Variants in ANO6 observed in about 807,000 individuals in gnomAD.
ANO6 encodes anoctamin-6.
In ANO6, 106 loss-of-function variants were observed where a neutral mutation model predicts 117.5. That is an observed-to-expected ratio of 0.90 (90% CI 0.77 to 1.06). The LOEUF is 1.06. ANO6 is among the 50% of genes least tolerant of loss of function. The pLI is 0.00. For missense variants in ANO6, 955 were observed against 1,121.1 expected (o/e 0.85, Z 2.12); for synonymous variants, 367 against 385.1 (o/e 0.95, Z 0.55).
chr12:45,379,665 T>C (rs1216758030), intron 10 of ANO6, among the ~76,000 whole-genome samples: 1 of 152,186 alleles, frequency 6.6e-6, no homozygotes, highest in Non-Finnish European at 1.5e-5. Context: ...TGGATGCTGA[T>C]AGCCCCAATT....
rs376449183 is a variant in ANO6, at chr12:45,238,544, CT to C, written c.70+22154del. ...CTAATTTAATACTCTTTATTCCTTTCTCTTGCCTGATTGCCAGAACTTCCAA... is the reference window on the plus strand; with the variant it reads ...CTAATTTAATACTCTTTATTCCTTTCCTTGCCTGATTGCCAGAACTTCCAA... On this transcript the variant is annotated intron_variant, in intron 1 of 19. Coordinates refer to ENST00000320560, the MANE Select transcript of ANO6 (RefSeq NM_001025356.3). Among the ~76,000 whole-genome samples, 647 of 152,244 alleles carry C rather than the reference CT, an allele frequency of 4.2e-3. 5 individuals carry two copies. The highest frequency in any genetic ancestry group is 0.015 in the African/African-American group (612 of 41,542).
At chr12:45,387,006 A>C (rs960216540) in intron 10 of ANO6, among the ~76,000 whole-genome samples, 3 of 152,158 alleles carry the variant, frequency 2.0e-5, no homozygotes, top group Non-Finnish European at 4.4e-5. Flanking sequence ...AATCAACTAT[A>C]CCTGTCAGTT....
chr12:45,219,218 C>G (rs1466021190), intron 1 of ANO6, among the ~76,000 whole-genome samples: 9 of 152,218 alleles, frequency 5.9e-5, no homozygotes, highest in Admixed American at 5.2e-4. Flanking sequence ...GATGGGGTCC[C>G]TGATTATATC....
In ANO6 at chr12:45,430,641, G is replaced by C; in HGVS notation, c.*1330G>C. 3.0e-6 allele frequency: 3 copies of C among 985,402 alleles called. No homozygotes were observed. The highest frequency in any genetic ancestry group is 3.6e-6 in the Non-Finnish European group (3 of 829,920). 61.0% of individuals were successfully genotyped at this position (985,402 alleles called of 1,614,324 possible). ...TCTAGAGCCAATCAGGCAGTTAAGA[G>C]TAATAAAGGAAAAGGGTTTGGTCAC... On this transcript the variant is annotated 3_prime_UTR_variant, in exon 20 of 20. Transcript: ENST00000320560.
At chr12:45,350,369 C>G (rs1294179088) in intron 6 of ANO6, among the ~76,000 whole-genome samples, 2 of 152,044 alleles carry the variant, frequency 1.3e-5, no homozygotes, top group Non-Finnish European at 2.9e-5. Context: ...TAGGACTGCC[C>G]CACTTAAAGC....
chr12:45,270,514 A>G, intron 1 of ANO6: 1 of 1,233,150 alleles, frequency 8.1e-7, no homozygotes, highest in Non-Finnish European at 1.1e-6. Flanking sequence ...CTCACCTCCC[A>G]TCCAGCCTGG....
intron 8 of ANO6, among the ~76,000 whole-genome samples, chr12:45,364,089 T>A (rs1192550377): frequency 6.6e-6 from 1 of 152,238 alleles, no homozygotes; most frequent in Non-Finnish European, 1.5e-5. Context: ...TGGTTGACAG[T>A]CTTTCTTTCA....
At chr12:45,290,792 A>G (rs1039355021) in intron 1 of ANO6, among the ~76,000 whole-genome samples, 4 of 152,354 alleles carry the variant, frequency 2.6e-5, no homozygotes, top group African/African-American at 7.2e-5. Context: ...GAAAAAGCAG[A>G]TCCACAATTT....
At chr12:45,347,989 G>A (rs1263543218) in intron 4 of ANO6, 39 bp from the exon 5 acceptor site, 1 of 1,591,570 alleles carries the variant, frequency 6.3e-7, no homozygotes, top group Non-Finnish European at 8.6e-7. Context: ...TGTGAAAAGA[G>A]TTGGTTTCTT....
intron 2 of ANO6, among the ~76,000 whole-genome samples, chr12:45,309,630 T>C (rs574965969): frequency 6.6e-6 from 1 of 151,894 alleles, no homozygotes; most frequent in African/African-American, 2.4e-5. Flanking sequence ...ACTGAATTGG[T>C]GTTAGGGCTA....
intron 10 of ANO6, among the ~76,000 whole-genome samples, chr12:45,379,392 A>G (rs59436840): frequency 0.033 from 4,968 of 152,312 alleles, 250 homozygotes; most frequent in African/African-American, 0.11. Flanking sequence ...AGTCAGTTAC[A>G]TTGGCATTCA....
chr12:45,354,079 T>C (rs1448429312), intron 7 of ANO6, among the ~76,000 whole-genome samples: 1 of 151,818 alleles, frequency 6.6e-6, no homozygotes, highest in Non-Finnish European at 1.5e-5. Context: ...GAGAAGTACT[T>C]CCAGAGAAGT....
At position 45,412,258 on chromosome 12, in the gene ANO6, T is replaced by G. The variant is rs947669634; in HGVS notation, c.2011+2771T>G. Among the ~76,000 whole-genome samples, 10 of 152,178 alleles carry G rather than the reference T, an allele frequency of 6.6e-5. 1 individual carries two copies. The highest frequency in any genetic ancestry group is 2.4e-4 in the African/African-American group (10 of 41,454). ...CAGTAATGTACTGCAGACACAGGTG[T>G]CCTGAGAACTTGATGAGGCCTTCCT... On this transcript the variant is annotated intron_variant, in intron 16 of 19. Transcript: ENST00000320560.
At chr12:45,414,614 A>G (rs1943167726) in intron 16 of ANO6, among the ~76,000 whole-genome samples, 1 of 152,190 alleles carries the variant, frequency 6.6e-6, no homozygotes, top group Admixed American at 6.5e-5. Context: ...AACTGTTTCA[A>G]TTACCATAGC....
intron 1 of ANO6, among the ~76,000 whole-genome samples, chr12:45,233,676 A>C (rs1947606745): frequency 6.6e-6 from 1 of 152,188 alleles, no homozygotes; most frequent in Non-Finnish European, 1.5e-5. Flanking sequence ...CATATAGTAA[A>C]ATGTACTGTT....
At chr12:45,268,545 AATAC>A (rs997933857) in intron 1 of ANO6, among the ~76,000 whole-genome samples, 1 of 152,130 alleles carries the variant, frequency 6.6e-6, no homozygotes, top group Non-Finnish European at 1.5e-5. Context: ...AAATAAATAA[AATAC>A]ATACATACAT....
intron 1 of ANO6, among the ~76,000 whole-genome samples, chr12:45,245,816 ATAACT>A (rs1947816524): frequency 6.6e-6 from 1 of 152,162 alleles, no homozygotes; most frequent in Non-Finnish European, 1.5e-5. Context: ...AATGTGTAAA[ATAACT>A]TAATTACAGG....
chr12:45,357,845 C>T (rs1565716440), intron 8 of ANO6, among the ~76,000 whole-genome samples: 1 of 152,056 alleles, frequency 6.6e-6, no homozygotes, highest in Non-Finnish European at 1.5e-5. Context: ...TTTTGTTTTA[C>T]TTTTAGAAAT....
chr12:45,322,181 C>T (rs182694661), intron 2 of ANO6, among the ~76,000 whole-genome samples: 1 of 152,122 alleles, frequency 6.6e-6, no homozygotes, highest in Admixed American at 6.5e-5. Flanking sequence ...TCCATTGGCA[C>T]AGAGGGTGAT....
Sources: allele counts gnomAD v4.1 joint callset (sites outside exome capture counted in the v4.1 genomes callset), GRCh38; gene constraint gnomAD v4.1.1; transcripts MANE v1.5; gene names NCBI Gene and HGNC (gene_info 2026-07-23, HGNC 2026-07-21).